IL1R1: variants seen among roughly 807,000 people sequenced by gnomAD.
IL1R1 encodes the protein interleukin 1 receptor type 1.
In IL1R1, 22 loss-of-function variants were observed where a neutral mutation model predicts 50.2. That is an observed-to-expected ratio of 0.44 (90% CI 0.31 to 0.63). The LOEUF (loss-of-function observed/expected upper bound fraction) is 0.63, where lower values mean the gene tolerates loss of function less well. Ranked by LOEUF, IL1R1 falls within the 20% of genes least tolerant of loss-of-function variation. IL1R1 has a pLI of 0.07. For synonymous variants in IL1R1, 251 were observed against 236.7 expected, an observed-to-expected ratio of 1.06 and a Z score of -0.55; for missense variants, 509 against 676.2, an observed-to-expected ratio of 0.75 and a Z score of 2.74.
upstream of IL1R1, among the ~76,000 whole-genome samples, chr2:102,104,322 G>C (rs551239474): frequency 6.6e-6 from 1 of 152,324 alleles, no homozygotes; most frequent in African/African-American, 2.4e-5. Flanking sequence ...GGCCACCACA[G>C]GCCTGAGACT....
At position 102,175,465 on chromosome 2, in the gene IL1R1, G is replaced by GT; in HGVS notation, c.1136-8dup. On this transcript the variant is annotated splice_polypyrimidine_tract_variant and intron_variant, in intron 10 of 11. Transcript: ENST00000410023. The stretch of plus-strand genomic sequence containing the variant: ...TGCCTTGTGGTTCTAAATACATTAT[G>GT]TTTTTCCTTTAGCTTCAGATGGAAA... 1 of 1,608,444 alleles carries GT rather than the reference G, an allele frequency of 6.2e-7. No homozygotes were observed. Among genetic ancestry groups the GT allele is most frequent in the Non-Finnish European group, 8.5e-7 (1 of 1,174,974 alleles).
intron 6 of IL1R1, among the ~76,000 whole-genome samples, chr2:102,167,121 G>T (rs1438258661): frequency 6.6e-6 from 1 of 151,990 alleles, no homozygotes; most frequent in East Asian, 1.9e-4. Flanking sequence ...TAGTTATGCT[G>T]GGACAACAGG....
chr2:102,102,435 A>G (rs1233514113), upstream of IL1R1, among the ~76,000 whole-genome samples: 1 of 152,158 alleles, frequency 6.6e-6, no homozygotes, highest in South Asian at 2.1e-4. Flanking sequence ...TTAAATTTCC[A>G]TGCAAGTCAA....
upstream of IL1R1, among the ~76,000 whole-genome samples, chr2:102,102,304 T>G (rs1360365198): frequency 6.6e-6 from 1 of 152,120 alleles, no homozygotes; most frequent in African/African-American, 2.4e-5. Context: ...TGGTAACACT[T>G]GAAGAGCAAT....
intron 11 of IL1R1, 188 bp downstream of exon 11, chr2:102,175,833 A>G: frequency 1.6e-6 from 1 of 640,414 alleles, no homozygotes; most frequent in South Asian, 1.9e-5. Context: ...TTGTCAGAGC[A>G]ATAATTAAGT....
chr2:102,100,792 A>G (rs1680108043), upstream of IL1R1, among the ~76,000 whole-genome samples: 1 of 152,184 alleles, frequency 6.6e-6, no homozygotes, highest in Non-Finnish European at 1.5e-5. Context: ...GTCTGGAGGT[A>G]TGAAGAATTA....
Position 102,111,354 on chromosome 2 carries a change from C to T in IL1R1, c.-84+6482C>T, listed in dbSNP as rs142455490. ...GGGCCGCTGCTGCACATAGGGCTGGCGACCAGAACACTGTATCTCTTGGCC... is the reference window on the plus strand; with the variant it reads ...GGGCCGCTGCTGCACATAGGGCTGGTGACCAGAACACTGTATCTCTTGGCC... On this transcript the variant is annotated intron_variant, in intron 1 of 10. Coordinates refer to the IL1R1 transcript ENST00000409329. Among the ~76,000 whole-genome samples the T allele has an allele frequency of 5.3e-5, 8 of 152,240 alleles. No individual in the cohort carries two copies. The East Asian group carries it at 7.7e-4, about 15-fold the overall frequency.
chr2:102,085,840 G>A (rs1409022105), intron 1 of IL1R1, among the ~76,000 whole-genome samples: 1 of 152,024 alleles, frequency 6.6e-6, no homozygotes, highest in African/African-American at 2.4e-5. Flanking sequence ...TATTGAACAT[G>A]CTACATTGTA....
chr2:102,125,317 G>A (rs1180518890), intron 1 of IL1R1, among the ~76,000 whole-genome samples: 2 of 152,140 alleles, frequency 1.3e-5, no homozygotes. Context: ...AACCAATAAC[G>A]AAAATTCTTC....
At chr2:102,092,069 C>T (rs1176026680) in intron 1 of IL1R1, among the ~76,000 whole-genome samples, 1 of 152,210 alleles carries the variant, frequency 6.6e-6, no homozygotes, top group Non-Finnish European at 1.5e-5. Context: ...CAGTTACCTA[C>T]ACTATCCCAG....
chr2:102,140,825 G>A (rs1682605285), upstream of IL1R1, among the ~76,000 whole-genome samples: 1 of 152,140 alleles, frequency 6.6e-6, no homozygotes, highest in Non-Finnish European at 1.5e-5. Context: ...ATAGAACAGT[G>A]GTAATAAGGT....
intron 7 of IL1R1, 150 bp downstream of exon 7, chr2:102,168,813 A>AT (rs1400974866): frequency 1.8e-5 from 11 of 598,588 alleles, no homozygotes; most frequent in Non-Finnish European, 2.6e-5. Context: ...TTATATCTTA[A>AT]TTTTTTGTAT....
chr2:102,130,198 A>C (rs944567145), intron 1 of IL1R1, among the ~76,000 whole-genome samples: 1 of 152,214 alleles, frequency 6.6e-6, no homozygotes, highest in African/African-American at 2.4e-5. Flanking sequence ...GACACATACC[A>C]TGTTTGAATT....
At chr2:102,176,299 G>A (rs1470749706) in intron 11 of IL1R1, 54 bp from the exon 12 acceptor site, 6 of 1,523,098 alleles carry the variant, frequency 3.9e-6, no homozygotes, top group Non-Finnish European at 4.5e-6. Context: ...TGGTTCAGGA[G>A]AGAATGATGA....
chr2:102,105,997 C>A (rs1201085219), intron 1 of IL1R1, among the ~76,000 whole-genome samples: 2 of 152,076 alleles, frequency 1.3e-5, no homozygotes, highest in Admixed American at 1.3e-4. Context: ...GGGACTGAAC[C>A]TGAAAGATTA....
At chr2:102,101,781 T>C (rs919456426), upstream of IL1R1, among the ~76,000 whole-genome samples, 15 of 152,232 alleles carry the variant, frequency 9.9e-5, no homozygotes, top group African/African-American at 3.6e-4. Context: ...CTTCTGATAG[T>C]TTAAATGTTA....
chr2:102,126,662 T>C (rs1419185698), intron 1 of IL1R1, among the ~76,000 whole-genome samples: 1 of 152,070 alleles, frequency 6.6e-6, no homozygotes, highest in Non-Finnish European at 1.5e-5. Flanking sequence ...AAATGTCTAG[T>C]AGCCCCAACT....
At chr2:102,101,360 A>T (rs534740323), upstream of IL1R1, among the ~76,000 whole-genome samples, 1 of 152,318 alleles carries the variant, frequency 6.6e-6, no homozygotes, top group South Asian at 2.1e-4. Context: ...GCTGGCGTCC[A>T]GGTTGGTGTC....
At chr2:102,070,598 G>A (rs1678672364) in intron 1 of IL1R1, 2 of 152,198 alleles carry the variant, frequency 1.3e-5, no homozygotes, top group Non-Finnish European at 2.9e-5. Context: ...GTCGTTTTCA[G>A]AGTGGGAAGG....
Sources: gnomAD v4.1 joint callset for allele counts (sites outside exome capture counted in the v4.1 genomes callset) on GRCh38, gnomAD v4.1.1 for gene constraint, MANE v1.5 for transcripts, NCBI Gene and HGNC (gene_info 2026-07-23, HGNC 2026-07-21) for gene names.